Variants in C2orf80 observed in about 807,000 individuals in gnomAD.
C2orf80 encodes chromosome 2 open reading frame 80, also known as uncharacterized protein C2orf80.
Under a neutral mutation model 30.2 loss-of-function variants are expected in C2orf80, and 28 were observed. The ratio of observed to expected loss-of-function variants is 0.93; its 90% confidence interval spans 0.69 to 1.27. The LOEUF (loss-of-function observed/expected upper bound fraction) is 1.27. Among genes scored for constraint, C2orf80 ranks in the 50% most tolerant of loss-of-function variants. The probability of loss-of-function intolerance (pLI) is 0.00; values close to 1 mark genes in which losing one functional copy is unlikely to be tolerated. For missense variants in C2orf80, 220 were observed against 231.0 expected (o/e 0.95, Z 0.31); for synonymous variants, 80 against 76.4 (o/e 1.05, Z -0.24).
chr2:208,180,238 C>T (rs1696510421), intron 6 of C2orf80, among the ~76,000 whole-genome samples: 1 of 151,960 alleles, frequency 6.6e-6, no homozygotes, highest in East Asian at 1.9e-4. Context: ...TCACTTGAGG[C>T]CAAGAGTTTG....
At position 208,171,056 on chromosome 2, in the gene C2orf80, C is replaced by T; in HGVS notation, c.462G>A (p.Lys154=). The change falls in exon 8 of 9, where the codon AAG becomes AAA. Residue 154 remains lysine, a synonymous_variant. Coordinates refer to ENST00000341287, the MANE Select transcript of C2orf80 (RefSeq NM_001099334.3). ...TTTTATTTGTTGTTACCTTTCTTGA[C>T]TTGACACCTACAGACAGATGCAGTA... is the stretch of plus-strand genomic sequence containing the variant. ...AAAYARKQSV[K]SRKVTTNKNA... The T allele has an allele frequency of 6.2e-7, 1 of 1,611,892 alleles. No homozygotes were observed. The highest frequency in any genetic ancestry group is 1.1e-5 in the South Asian group (1 of 91,058).
rs376256582 is a variant in C2orf80 at position 208,176,939 on chromosome 2, ATC to A, written c.366+3804_366+3805del. 9.4e-3 allele frequency among the ~76,000 whole-genome samples: 432 copies of A among 45,804 alleles called. 23 individuals are homozygous for A. The highest frequency in any genetic ancestry group is 0.036 in the African/African-American group (394 of 10,832). The allele number at this position is 45,804 out of a possible 152,430, so 30.0% of individuals were successfully genotyped here. A position where few individuals can be genotyped will look rare whatever the true frequency, so the allele number is the denominator to read the frequency against. ...CATATCTGTATACATATGTATACATATCTGTATACATATCTGTATACATATGT... is the reference window on the plus strand; with the variant it reads ...CATATCTGTATACATATGTATACATATGTATACATATCTGTATACATATGT... On this transcript the variant is annotated intron_variant, in intron 6 of 8. Transcript: ENST00000341287.
At chr2:208,176,392 C>T (rs111499729) in intron 6 of C2orf80, among the ~76,000 whole-genome samples, 1,870 of 152,190 alleles carry the variant, frequency 0.012, 42 homozygotes, top group African/African-American at 0.042. Context: ...GCCAGGCTGG[C>T]CTCGAACTCC....
Position 208,165,676 on chromosome 2 carries a change from C to A in C2orf80, c.*131G>T. On this transcript the variant is annotated 3_prime_UTR_variant, in exon 9 of 9. Transcript: ENST00000341287. The stretch of plus-strand genomic sequence containing the variant: ...GAAGAAAGCTCAACATCAAAAATAA[C>A]ACTTCAGTGCAGTTGTACCAAAAAC... 8.5e-7 allele frequency: 1 copy of A among 1,171,216 alleles called. No individual in the cohort carries two copies. The highest frequency in any genetic ancestry group is 1.5e-5 in the South Asian group (1 of 65,958). 72.6% of individuals were successfully genotyped at this position (1,171,216 alleles called of 1,614,324 possible). A position where few individuals can be genotyped will look rare whatever the true frequency, so the allele number is the denominator to read the frequency against.
chr2:208,171,172 G>A, intron 7 of C2orf80, 109 bp from the exon 8 acceptor site: 1 of 760,720 alleles, frequency 1.3e-6, no homozygotes, highest in Middle Eastern at 3.1e-4. Flanking sequence ...TTGAGACAGG[G>A]TCTCACTTTG....
At chr2:208,166,711 GTGGCGGGAT>G (rs1398602118) in intron 8 of C2orf80, among the ~76,000 whole-genome samples, 2 of 151,980 alleles carry the variant, frequency 1.3e-5, no homozygotes, top group Non-Finnish European at 2.9e-5. Context: ...AGTGCATGCA[GTGGCGGGAT>G]CTCGGCTCAC....
In C2orf80 at chr2:208,187,797, T is replaced by A. The variant is rs1038338743; in HGVS notation, c.-75-736A>T. On this transcript the variant is annotated intron_variant, in intron 1 of 8. Coordinates refer to ENST00000341287, the MANE Select transcript of C2orf80 (RefSeq NM_001099334.3). ...CCGGATGTTTCTGGTGTTTTTTTTT[T>A]AATGAGATTATCATTTAAATCAGTG... 3.3e-5 allele frequency among the ~76,000 whole-genome samples: 5 copies of A among 152,218 alleles called. 1 individual carries two copies. Among genetic ancestry groups the A allele is most frequent in the South Asian group, 4.1e-4 (2 of 4,822 alleles).
chr2:208,174,219 G>T (rs569242029), intron 6 of C2orf80, among the ~76,000 whole-genome samples: 90 of 152,240 alleles, frequency 5.9e-4, no homozygotes, highest in African/African-American at 2.1e-3. Flanking sequence ...CTCTTAAAGG[G>T]CTGGGACTAC....
chr2:208,175,221 G>GAT (rs1696247031), intron 6 of C2orf80, among the ~76,000 whole-genome samples: 2 of 145,896 alleles, frequency 1.4e-5, no homozygotes, highest in South Asian at 4.5e-4. Context: ...CGGGGGGGGG[G>GAT]GGGGCGGAGG....
At chr2:208,169,269 T>TTGTGTGTGTGTGTG (rs10658929) in intron 8 of C2orf80, among the ~76,000 whole-genome samples, 52,395 of 137,760 alleles carry the variant, frequency 0.38, 11,186 homozygotes, top group Admixed American at 0.49. Context: ...AAAGTCTAGA[T>TTGTGTGTGTGTGTG]TGTGTGTGTG....
chr2:208,183,070 G>T, intron 3 of C2orf80, 23 bp from the exon 4 acceptor site: 2 of 1,604,436 alleles, frequency 1.2e-6, no homozygotes, highest in Non-Finnish European at 1.7e-6. Flanking sequence ...AGCACAGAGA[G>T]CAAAGAAACA....
rs754115948 is a variant in C2orf80, at chr2:208,165,839, G to A, written c.574-24C>T. On this transcript the variant is annotated intron_variant, in intron 8 of 8. Transcript: ENST00000341287. ...ACCTGCAGAATAAAAGATGATTTTG[G>A]TATCAAGCACATCAATTTAACATGG... is the stretch of plus-strand genomic sequence containing the variant. The A allele has an allele frequency of 5.1e-6, 8 of 1,558,992 alleles. No individual in the cohort carries two copies. In the African/African-American group the frequency reaches 9.5e-5, roughly 19 times the overall value.
intron 8 of C2orf80, among the ~76,000 whole-genome samples, chr2:208,166,367 G>T (rs370032594): frequency 1.3e-5 from 2 of 152,122 alleles, no homozygotes; most frequent in African/African-American, 2.4e-5. Context: ...AAAGGAATAC[G>T]TGGGTTCTTT....
At chr2:208,176,701 T>A (rs1212861414) in intron 6 of C2orf80, among the ~76,000 whole-genome samples, 2 of 151,920 alleles carry the variant, frequency 1.3e-5, no homozygotes, top group Non-Finnish European at 2.9e-5. Context: ...TGCGTCCCTG[T>A]TTTTACAAAT....
At chr2:208,181,382 C>A in intron 4 of C2orf80, 77 bp from the exon 5 acceptor site, 1 of 917,762 alleles carries the variant, frequency 1.1e-6, no homozygotes, top group South Asian at 1.4e-5. Flanking sequence ...TGATGATAAT[C>A]GATAAGTAAT....
chr2:208,187,057 AG>A lies in C2orf80; in HGVS notation c.-72del. 1.4e-6 allele frequency: 2 copies of A among 1,424,200 alleles called. No homozygotes were observed. Among genetic ancestry groups the A allele is most frequent in the Non-Finnish European group, 2.0e-6 (2 of 1,009,040 alleles). The allele number at this position is 1,424,200 out of a possible 1,614,324, so 88.2% of individuals were successfully genotyped here. On this transcript the variant is annotated 5_prime_UTR_variant, in exon 2 of 9. The change creates a premature stop within an existing upstream ORF in the 5' untranslated region. Coordinates refer to ENST00000341287, the MANE Select transcript of C2orf80 (RefSeq NM_001099334.3). ...ACTTAGACCCAGCTTCTCTGAGTCT[AG>A]AGGCTACAGCAGCAAATCAGAGAGA... is the stretch of plus-strand genomic sequence containing the variant.
intron 8 of C2orf80, 43 bp from the exon 9 acceptor site, chr2:208,165,858 A>G: frequency 7.4e-7 from 1 of 1,350,382 alleles, no homozygotes; most frequent in East Asian, 2.3e-5. Context: ...ACATCAATTT[A>G]ACATGGACAC....
chr2:208,183,976 T>C (rs2105912111), intron 3 of C2orf80, among the ~76,000 whole-genome samples: 1 of 152,360 alleles, frequency 6.6e-6, no homozygotes, highest in East Asian at 1.9e-4. Context: ...TTAATTTTTG[T>C]AGAGGCGTTC....
intron 1 of C2orf80, among the ~76,000 whole-genome samples, chr2:208,189,377 G>A (rs1487670315): frequency 6.6e-6 from 1 of 152,118 alleles, no homozygotes; most frequent in Non-Finnish European, 1.5e-5. Context: ...ATATGCAAAG[G>A]TTTCAGTCTT....
Sources: gnomAD v4.1 joint callset for allele counts (sites outside exome capture counted in the v4.1 genomes callset) on GRCh38, gnomAD v4.1.1 for gene constraint, MANE v1.5 for transcripts, NCBI Gene and HGNC (gene_info 2026-07-23, HGNC 2026-07-21) for gene names.